The following DAB1 variants were observed in gnomAD, a reference collection of about 807,000 sequenced individuals.
The protein encoded by DAB1 is DAB adaptor protein 1, also known as disabled homolog 1.
A neutral mutation model predicts 64.6 loss-of-function variants in DAB1; 15 were observed. The ratio of observed to expected loss-of-function variants is 0.23; its 90% CI spans 0.16 to 0.36. The LOEUF is 0.36. Among genes scored for constraint, DAB1 ranks in the 10% least tolerant of loss-of-function variants. The pLI is 1.00. For synonymous variants in DAB1, 235 were observed against 251.9 expected, an observed-to-expected ratio of 0.93 and a Z score of 0.64; for missense variants, 596 against 706.7, an observed-to-expected ratio of 0.84 and a Z score of 1.78.
intron 5 of DAB1, among the ~76,000 whole-genome samples, chr1:58,098,293 A>G (rs1651111170): frequency 1.3e-5 from 2 of 152,156 alleles, no homozygotes; most frequent in African/African-American, 2.4e-5. Flanking sequence ...AGCAAAGGGA[A>G]AACAGGAATA....
intron 4 of DAB1, among the ~76,000 whole-genome samples, chr1:58,223,153 T>G (rs1386106903): frequency 1.1e-4 from 17 of 152,202 alleles, no homozygotes. Flanking sequence ...ACACTCTCCA[T>G]GTATGAACAA....
At chr1:57,826,753 G>C (rs1294630173) in intron 1 of DAB1, among the ~76,000 whole-genome samples, 1 of 152,228 alleles carries the variant, frequency 6.6e-6, no homozygotes, top group Admixed American at 6.5e-5. Context: ...GCTGGCAGGA[G>C]ATGGCACTGA....
At chr1:58,090,434 T>G (rs1004867425) in intron 5 of DAB1, among the ~76,000 whole-genome samples, 4 of 152,182 alleles carry the variant, frequency 2.6e-5, no homozygotes, top group Admixed American at 2.6e-4. Context: ...CTATGTAAAC[T>G]TTTTGCATCT....
chr1:57,711,001 A>C (rs902906899), intron 6 of DAB1, among the ~76,000 whole-genome samples: 1 of 152,188 alleles, frequency 6.6e-6, no homozygotes, highest in Non-Finnish European at 1.5e-5. Context: ...CTGAAAAGAC[A>C]TCTCAAAAGG....
At chr1:57,997,653 T>G (rs1483085742) in intron 5 of DAB1, among the ~76,000 whole-genome samples, 1 of 152,052 alleles carries the variant, frequency 6.6e-6, no homozygotes, top group East Asian at 1.9e-4. Flanking sequence ...TAGGGAAATA[T>G]TGCTGAACTG....
At chr1:57,006,973 G>GT (rs1482457559) in intron 14 of DAB1, among the ~76,000 whole-genome samples, 1 of 152,064 alleles carries the variant, frequency 6.6e-6, no homozygotes, top group Non-Finnish European at 1.5e-5. Flanking sequence ...CTGACTCTGT[G>GT]TTTTGTTTCT....
chr1:57,117,429 C>T (rs1656237937), intron 4 of DAB1, among the ~76,000 whole-genome samples: 1 of 152,190 alleles, frequency 6.6e-6, no homozygotes, highest in Non-Finnish European at 1.5e-5. Flanking sequence ...GACAATGAGG[C>T]TCAGGCTGAT....
In DAB1 at chr1:57,528,533, A is replaced by C. The variant is rs574504805; in HGVS notation, n.625+121059T>G. On this transcript the variant is annotated intron_variant and non_coding_transcript_variant, in intron 7 of 20. Transcript: ENST00000485760. ...ATTTTTTAAAACGTGTATGCCAAGA[A>C]GTTCAGTGAATTCCAAGTAGAATAA... Among the ~76,000 whole-genome samples, 5 of 152,158 alleles carry C rather than the reference A, an allele frequency of 3.3e-5. No homozygotes were observed. The South Asian group carries it at 6.2e-4, about 19-fold the overall frequency.
chr1:58,469,196 G>T (rs1310561922), intron 3 of DAB1, among the ~76,000 whole-genome samples: 2 of 152,182 alleles, frequency 1.3e-5, no homozygotes, highest in South Asian at 2.1e-4. Context: ...AGGCTCCATG[G>T]TAAGGCTTTG....
At chr1:57,117,954 C>A (rs975329335) in intron 4 of DAB1, among the ~76,000 whole-genome samples, 4 of 152,188 alleles carry the variant, frequency 2.6e-5, no homozygotes, top group African/African-American at 9.7e-5. Context: ...GTTCAGCTGG[C>A]TTGCTGCATC....
chr1:58,478,594 G>A (rs1431738341), intron 3 of DAB1, among the ~76,000 whole-genome samples: 1 of 152,144 alleles, frequency 6.6e-6, no homozygotes, highest in Non-Finnish European at 1.5e-5. Flanking sequence ...AGATTTTACA[G>A]AGTATGATTG....
intron 7 of DAB1, among the ~76,000 whole-genome samples, chr1:57,487,570 A>G (rs1570565768): frequency 6.6e-6 from 1 of 152,186 alleles, no homozygotes; most frequent in African/African-American, 2.4e-5. Flanking sequence ...TTAAGGATTC[A>G]GTCTAGGCCA....
At chr1:57,993,368 T>A (rs767731558) in intron 5 of DAB1, among the ~76,000 whole-genome samples, 1 of 152,216 alleles carries the variant, frequency 6.6e-6, no homozygotes, top group Non-Finnish European at 1.5e-5. Context: ...AATGAGCAGA[T>A]AATATATTTA....
At chr1:57,133,909 G>T (rs1007023446) in intron 4 of DAB1, among the ~76,000 whole-genome samples, 3 of 152,258 alleles carry the variant, frequency 2.0e-5, no homozygotes, top group African/African-American at 7.2e-5. Context: ...GCTGGGCAAT[G>T]ACTAAGGTTT....
At chr1:57,870,215 A>G (rs1350995690) in intron 1 of DAB1, among the ~76,000 whole-genome samples, 1 of 152,136 alleles carries the variant, frequency 6.6e-6, no homozygotes, top group Non-Finnish European at 1.5e-5. Context: ...AGGCCCCTCA[A>G]TAAATGTTAG....
At chr1:57,859,495 A>G (rs1449996387) in intron 1 of DAB1, among the ~76,000 whole-genome samples, 4 of 152,174 alleles carry the variant, frequency 2.6e-5, no homozygotes, top group African/African-American at 9.7e-5. Context: ...TGCTCATCTT[A>G]CAGATGAAAA....
chr1:58,255,426 TTCTCTCTCTCTCTCTC>T (rs66613225), intron 4 of DAB1, among the ~76,000 whole-genome samples: 3 of 149,084 alleles, frequency 2.0e-5, no homozygotes, highest in Non-Finnish European at 1.5e-5. Flanking sequence ...TGCTTGTTCA[TTCTCTCTCTCTCTCTC>T]TCTCTCTCTC....
At chr1:57,233,255 C>CTTTTTTTATTTTTTTTT (rs1667827597) in intron 2 of DAB1, among the ~76,000 whole-genome samples, 1 of 60,804 alleles carries the variant, frequency 1.6e-5, no homozygotes, top group Non-Finnish European at 2.8e-5. Context: ...TGCTCCGATT[C>CTTTTTTTATTTTTTTTT]TTTTTTTTTT....
intron 5 of DAB1, among the ~76,000 whole-genome samples, chr1:58,113,133 A>C (rs1652080366): frequency 6.6e-6 from 1 of 152,202 alleles, no homozygotes; most frequent in Non-Finnish European, 1.5e-5. Flanking sequence ...ATCGTGGCAC[A>C]GAGGAGGGTG....
Sources: allele counts gnomAD v4.1 joint callset (sites outside exome capture counted in the v4.1 genomes callset), GRCh38; gene constraint gnomAD v4.1.1; transcripts MANE v1.5; gene names NCBI Gene and HGNC (gene_info 2026-07-23, HGNC 2026-07-21).